The following CELF2 variants were observed in gnomAD, a reference collection of about 807,000 sequenced individuals.
The protein encoded by CELF2 is CUG triplet repeat RNA-binding protein 2.
In CELF2, 8 loss-of-function variants were observed where a neutral mutation model predicts 62.6. The observed-to-expected ratio is 0.13, with a 90% CI of 0.07 to 0.23. CELF2 has a LOEUF of 0.23. Among genes scored for constraint, CELF2 ranks in the 10% least tolerant of loss-of-function variants. CELF2 has a pLI of 1.00. For missense variants in CELF2, 333 were observed against 671.0 expected (o/e 0.50, Z 5.56); for synonymous variants, 258 against 250.0 (o/e 1.03, Z -0.30).
chr10:11,113,538 A>G (rs1216336469), intron 1 of CELF2, among the ~76,000 whole-genome samples: 1 of 152,232 alleles, frequency 6.6e-6, no homozygotes, highest in Non-Finnish European at 1.5e-5. Flanking sequence ...AGTGGTGGAA[A>G]TAGGTCTGGC....
rs2059732299 is a variant in CELF2 at position 11,132,186 on chromosome 10, C to T, written c.75-33300C>T. Among the ~76,000 whole-genome samples, 3 of 152,190 alleles carry T rather than the reference C, an allele frequency of 2.0e-5. No individual in the cohort carries two copies. The South Asian group carries it at 6.2e-4, about 32-fold the overall frequency. ...TTTGCTGCCAATTAAACATGTCTACCAGTGTGTAGTCAAGAGCAAAGAATA... is the reference window on the plus strand; with the variant it reads ...TTTGCTGCCAATTAAACATGTCTACTAGTGTGTAGTCAAGAGCAAAGAATA... On this transcript the variant is annotated intron_variant, in intron 1 of 12. Coordinates refer to ENST00000633077, the MANE Select transcript of CELF2 (RefSeq NM_001326342.2).
intron 1 of CELF2, among the ~76,000 whole-genome samples, chr10:10,859,829 G>C (rs1347021841): frequency 6.6e-6 from 1 of 152,054 alleles, no homozygotes; most frequent in Non-Finnish European, 1.5e-5. Context: ...AAATGATATA[G>C]TTATCATCAG....
chr10:10,556,600 G>A, the CELF2 span, among the ~76,000 whole-genome samples: 5 of 152,114 alleles, frequency 3.3e-5, no homozygotes, highest in African/African-American at 4.8e-5. Flanking sequence ...TCCCTGAGGA[G>A]TCGCCACGCT....
intron 2 of CELF2, among the ~76,000 whole-genome samples, chr10:10,956,323 T>C (rs550878695): frequency 2.6e-4 from 40 of 152,358 alleles, no homozygotes; most frequent in South Asian, 1.9e-3. Context: ...GGCTTTAAAA[T>C]GCTTTTCTGG....
At chr10:11,058,895 C>T (rs1159024257) in intron 1 of CELF2, among the ~76,000 whole-genome samples, 1 of 152,150 alleles carries the variant, frequency 6.6e-6, no homozygotes, top group Non-Finnish European at 1.5e-5. Flanking sequence ...ATCCTTCTGC[C>T]TCAGTCTCCT....
upstream of CELF2, among the ~76,000 whole-genome samples, chr10:11,004,419 G>A (rs565080575): frequency 1.1e-3 from 157 of 143,822 alleles, no homozygotes; most frequent in Middle Eastern, 3.4e-3. The surrounding 1 kb of genome is among the most constrained non-coding windows in gnomAD (Gnocchi z 5.0). Context: ...GTGTGTGCGC[G>A]CGCGTGTGTG....
At chr10:11,152,734 G>A (rs946111022) in intron 1 of CELF2, among the ~76,000 whole-genome samples, 36 of 152,138 alleles carry the variant, frequency 2.4e-4, no homozygotes, top group African/African-American at 7.0e-4. Context: ...GTCTCAACTT[G>A]TGTCTTCAGA....
intron 1 of CELF2, among the ~76,000 whole-genome samples, chr10:11,047,576 G>A (rs1174166841): frequency 2.0e-5 from 3 of 152,094 alleles, no homozygotes; most frequent in African/African-American, 4.8e-5. Flanking sequence ...TTATAGCATC[G>A]TCTTTGATTC....
In CELF2 at chr10:11,157,087, C is replaced by T. The variant is rs188928407; in HGVS notation, c.75-8399C>T. 5.7e-4 allele frequency among the ~76,000 whole-genome samples: 87 copies of T among 152,126 alleles called. No individual in the cohort carries two copies. The highest frequency in any genetic ancestry group is 3.7e-3 in the East Asian group (19 of 5,172). Reference sequence around the variant, plus strand: ...AAGGGTGGAAATGGAAGGTCCTTTGCGGAACAGGCTCCAGGGGGTGGCATT... The same window carrying T: ...AAGGGTGGAAATGGAAGGTCCTTTGTGGAACAGGCTCCAGGGGGTGGCATT... On this transcript the variant is annotated intron_variant, in intron 1 of 12. Transcript: ENST00000633077. The surrounding 1 kb of genome is among the most constrained non-coding windows in gnomAD (Gnocchi z 4.9).
At chr10:10,848,863 G>A (rs2059186684) in intron 1 of CELF2, among the ~76,000 whole-genome samples, 1 of 152,046 alleles carries the variant, frequency 6.6e-6, no homozygotes, top group Non-Finnish European at 1.5e-5. Context: ...GTTTTACGTA[G>A]GATTTGAGTC....
intron 2 of CELF2, among the ~76,000 whole-genome samples, chr10:11,206,006 G>A (rs941082608): frequency 4.6e-5 from 7 of 152,166 alleles, no homozygotes; most frequent in African/African-American, 1.7e-4. Flanking sequence ...AGATTATGAC[G>A]TCCTTATTCC....
In CELF2 at chr10:11,324,904, C is replaced by T. The variant is rs182781469; in HGVS notation, c.1295-932C>T. 1.3e-5 allele frequency among the ~76,000 whole-genome samples: 2 copies of T among 152,286 alleles called. No homozygotes were observed. The highest frequency in any genetic ancestry group is 1.9e-4 in the East Asian group (1 of 5,186). On this transcript the variant is annotated intron_variant, in intron 11 of 12. Transcript: ENST00000633077. This position sits in a 1 kb window ranked among gnomAD's most constrained non-coding sequence, Gnocchi z 4.7. ...GAAGTCGCCTCACCAGTTCTGTGAG[C>T]GCCCCTCCTCGGAAGACTCCATGCC...
At chr10:10,694,241 T>C in the CELF2 span, among the ~76,000 whole-genome samples, 45 of 151,962 alleles carry the variant, frequency 3.0e-4, no homozygotes, top group African/African-American at 9.2e-4. Flanking sequence ...CAAAGAACAT[T>C]TTTATTTCTG....
intron 9 of CELF2, among the ~76,000 whole-genome samples, chr10:11,307,997 A>G (rs2140365813): frequency 6.6e-6 from 1 of 152,368 alleles, no homozygotes; most frequent in South Asian, 2.1e-4. Flanking sequence ...TGCAGAGACT[A>G]AGAGCAACAG....
At chr10:11,294,313 C>G (rs1046741908) in intron 9 of CELF2, among the ~76,000 whole-genome samples, 1 of 152,148 alleles carries the variant, frequency 6.6e-6, no homozygotes, top group African/African-American at 2.4e-5. Flanking sequence ...ACGTAGTCTT[C>G]CGGTGCCTGC....
intron 1 of CELF2, among the ~76,000 whole-genome samples, chr10:10,904,438 C>T (rs1286804949): frequency 6.6e-6 from 1 of 152,040 alleles, no homozygotes; most frequent in Admixed American, 6.5e-5. Context: ...CAATATGTTG[C>T]CCGGGCTGGT....
chr10:11,164,093 C>T (rs755390764), intron 1 of CELF2, among the ~76,000 whole-genome samples: 1 of 152,176 alleles, frequency 6.6e-6, no homozygotes, highest in Non-Finnish European at 1.5e-5. Context: ...TGGGTCTGCT[C>T]ATGGAGGAGG....
At chr10:10,529,357 A>T in the CELF2 span, among the ~76,000 whole-genome samples, 2 of 152,292 alleles carry the variant, frequency 1.3e-5, no homozygotes, top group South Asian at 2.1e-4. Context: ...GGAAGACATA[A>T]AGAACAAAAG....
chr10:10,850,020 T>G (rs996671496), intron 1 of CELF2, among the ~76,000 whole-genome samples: 7 of 150,990 alleles, frequency 4.6e-5, no homozygotes, highest in Non-Finnish European at 1.0e-4. Flanking sequence ...TGGTGGCGGG[T>G]GCCTGTAATC....
Sources: allele counts gnomAD v4.1 joint callset (sites outside exome capture counted in the v4.1 genomes callset), GRCh38; gene constraint gnomAD v4.1.1; non-coding constraint Gnocchi (gnomAD v3.1); transcripts MANE v1.5; gene names NCBI Gene and HGNC (gene_info 2026-07-23, HGNC 2026-07-21).